Variants in ACBD6 observed in about 807,000 individuals in gnomAD.
The protein encoded by ACBD6 is acyl-CoA binding domain containing 6.
A neutral mutation model predicts 37.2 loss-of-function variants in ACBD6; 28 were observed. The ratio of observed to expected loss-of-function variants is 0.75; its 90% CI spans 0.56 to 1.03. The LOEUF is 1.03. Among genes scored for constraint, ACBD6 ranks in the 50% least tolerant of loss-of-function variants. The pLI, the probability that ACBD6 is intolerant of heterozygous loss-of-function variation, is 0.00. For synonymous variants in ACBD6, 113 were observed against 126.8 expected (o/e 0.89, Z 0.73); for missense variants, 340 against 337.4 (o/e 1.01, Z -0.06).
At chr1:180,407,411 T>C (rs1486870953) in intron 5 of ACBD6, among the ~76,000 whole-genome samples, 1 of 152,238 alleles carries the variant, frequency 6.6e-6, no homozygotes, top group African/African-American at 2.4e-5. Context: ...TCCTTGTCTT[T>C]ACACACACAA....
intron 7 of ACBD6, among the ~76,000 whole-genome samples, chr1:180,309,195 C>T (rs568868369): frequency 1.2e-4 from 19 of 152,222 alleles, no homozygotes; most frequent in Non-Finnish European, 2.2e-4. Flanking sequence ...CTATATACAC[C>T]GTGCTACACC....
Position 180,422,963 on chromosome 1 carries a change from T to C in ACBD6, c.467+7217A>G, listed in dbSNP as rs541297483. On this transcript the variant is annotated intron_variant, in intron 4 of 7. Coordinates refer to ENST00000367595, the MANE Select transcript of ACBD6 (RefSeq NM_032360.4). The stretch of plus-strand genomic sequence containing the variant: ...GCAGTTATGATTTAATACTGCATCT[T>C]TGCTTTTTTTTTACATTTTTCTGGA... Among the ~76,000 whole-genome samples, 90 of 152,326 alleles carry C rather than the reference T, an allele frequency of 5.9e-4. 1 individual carries two copies. Among genetic ancestry groups the C allele is most frequent in the Non-Finnish European group, 8.7e-4 (59 of 68,026 alleles).
At chr1:180,313,283 A>G (rs1374431830) in intron 7 of ACBD6, among the ~76,000 whole-genome samples, 1 of 152,190 alleles carries the variant, frequency 6.6e-6, no homozygotes, top group Non-Finnish European at 1.5e-5. Flanking sequence ...AGACAAATTC[A>G]TAAGTGAGTT....
At chr1:180,317,366 C>A (rs1290178750) in intron 6 of ACBD6, among the ~76,000 whole-genome samples, 1 of 152,058 alleles carries the variant, frequency 6.6e-6, no homozygotes, top group Non-Finnish European at 1.5e-5. Context: ...ATGGGGAGTT[C>A]TTGTCTAATG....
At chr1:180,326,285 C>T (rs1651256383) in intron 6 of ACBD6, 1 of 152,830 alleles carries the variant, frequency 6.5e-6, no homozygotes, top group South Asian at 2.1e-4. Context: ...AGGAGCCTCT[C>T]CCACTCCCAG....
intron 6 of ACBD6, among the ~76,000 whole-genome samples, chr1:180,389,801 T>C (rs1653998582): frequency 6.6e-6 from 1 of 152,260 alleles, no homozygotes; most frequent in African/African-American, 2.4e-5. Flanking sequence ...AAATGACTTC[T>C]TTTGAGAAGT....
intron 3 of ACBD6, among the ~76,000 whole-genome samples, chr1:180,465,668 C>T (rs1650320952): frequency 6.6e-6 from 1 of 152,094 alleles, no homozygotes; most frequent in Admixed American, 6.6e-5. Context: ...TGGGTATATA[C>T]CCGGAGGAAT....
intron 3 of ACBD6, among the ~76,000 whole-genome samples, chr1:180,490,032 T>C (rs1042081201): frequency 6.6e-6 from 1 of 152,228 alleles, no homozygotes; most frequent in Non-Finnish European, 1.5e-5. Context: ...AAATTCTGTC[T>C]TTTATCAGAA....
chr1:180,347,844 G>A (rs1263373947), intron 6 of ACBD6, among the ~76,000 whole-genome samples: 1 of 151,934 alleles, frequency 6.6e-6, no homozygotes. Flanking sequence ...GGTGGCGGGC[G>A]CCTGTAGCTA....
intron 6 of ACBD6, among the ~76,000 whole-genome samples, chr1:180,323,279 C>T (rs1651141792): frequency 6.6e-6 from 1 of 151,982 alleles, no homozygotes; most frequent in Non-Finnish European, 1.5e-5. Context: ...AGAGAAGATG[C>T]TTAATATTAT....
At position 180,323,981 on chromosome 1, in the gene ACBD6, G is replaced by A. The variant is rs1446987851; in HGVS notation, c.664-9259C>T. Among the ~76,000 whole-genome samples the A allele has an allele frequency of 4.1e-4, 2 of 4,828 alleles. 1 individual carries two copies. Among genetic ancestry groups the A allele is most frequent in the Non-Finnish European group, 6.1e-4 (2 of 3,300 alleles). The allele number at this position is 4,828 out of a possible 152,430, so 3.2% of individuals were successfully genotyped here. ...TGCAAGCTCCGCTTCCCGGGTTCAC[G>A]CCATTCTCCTGCCTCAGCCTCCCGA... On this transcript the variant is annotated intron_variant, in intron 6 of 7. Transcript: ENST00000367595.
chr1:180,376,943 G>C (rs2101922225), intron 6 of ACBD6, among the ~76,000 whole-genome samples: 1 of 152,290 alleles, frequency 6.6e-6, no homozygotes, highest in African/African-American at 2.4e-5. Context: ...ATACTGAAGG[G>C]AGTGGGGAAG....
intron 3 of ACBD6, among the ~76,000 whole-genome samples, chr1:180,463,663 T>A (rs962366989): frequency 1.3e-5 from 2 of 152,130 alleles, no homozygotes; most frequent in Non-Finnish European, 2.9e-5. Context: ...CTGAAACTAT[T>A]TCAAAAAAAC....
chr1:180,280,323 CCTTT>C (rs1649269797), intron 9 of ACBD6, among the ~76,000 whole-genome samples: 1 of 151,770 alleles, frequency 6.6e-6, no homozygotes, highest in Non-Finnish European at 1.5e-5. Context: ...TCCCTCTCCC[CCTTT>C]GTTTTTTCTC....
chr1:180,499,771 A>G (rs1223894789), intron 1 of ACBD6, among the ~76,000 whole-genome samples: 2 of 152,228 alleles, frequency 1.3e-5, no homozygotes, highest in African/African-American at 2.4e-5. Context: ...GAGAAAACAG[A>G]TATCTACAAC....
chr1:180,423,659 A>T (rs1225240968), intron 4 of ACBD6, among the ~76,000 whole-genome samples: 11 of 152,222 alleles, frequency 7.2e-5, no homozygotes, highest in Admixed American at 2.6e-4. Flanking sequence ...GTTATACTGG[A>T]GAAGTTACAT....
chr1:180,274,329 A>G (rs568736550), intron 10 of ACBD6: 13 of 1,614,074 alleles, frequency 8.1e-6, no homozygotes, highest in East Asian at 2.2e-5. Context: ...GGGAGCCCCT[A>G]TGGAATCCCC....
At chr1:180,297,030 C>G (rs1649945465) in intron 7 of ACBD6, among the ~76,000 whole-genome samples, 1 of 152,038 alleles carries the variant, frequency 6.6e-6, no homozygotes, top group Non-Finnish European at 1.5e-5. Context: ...ATGAAGTTCT[C>G]TTGCAGTTTT....
At position 180,355,999 on chromosome 1, in the gene ACBD6, C is replaced by T. The variant is rs553719272; in HGVS notation, c.664-41277G>A. Among the ~76,000 whole-genome samples, 62 of 151,648 alleles carry T rather than the reference C, an allele frequency of 4.1e-4. 1 individual carries two copies. The South Asian group carries it at 0.012, about 30-fold the overall frequency. On this transcript the variant is annotated intron_variant, in intron 6 of 7. Transcript: ENST00000367595. ...TCTCCTGTCTCAGCCTCCCGAGTAG[C>T]TGGGACTACAGGCACACGCCACCAC...
Sources: gnomAD v4.1 joint callset for allele counts (sites outside exome capture counted in the v4.1 genomes callset) on GRCh38, gnomAD v4.1.1 for gene constraint, MANE v1.5 for transcripts, NCBI Gene and HGNC (gene_info 2026-07-23, HGNC 2026-07-21) for gene names.